The following STK10 variants were observed in gnomAD, a reference collection of about 807,000 sequenced individuals.
The protein encoded by STK10 is serine/threonine kinase 10.
A neutral mutation model predicts 113.8 loss-of-function variants in STK10; 78 were observed. The observed-to-expected ratio is 0.69, with a 90% CI of 0.57 to 0.83. The LOEUF is 0.83. STK10 is among the 40% of genes least tolerant of loss of function. STK10 has a pLI of 0.00. For synonymous variants in STK10, 465 were observed against 494.7 expected (o/e 0.94, Z 0.80); for missense variants, 1,109 against 1,280.1 (o/e 0.87, Z 2.04).
intron 12 of STK10, among the ~76,000 whole-genome samples, chr5:172,072,353 G>C (rs1308860814): frequency 6.6e-6 from 1 of 151,994 alleles, no homozygotes. Context: ...TGCAAGATCC[G>C]CCTACCGGGT....
intron 2 of STK10, among the ~76,000 whole-genome samples, chr5:172,130,349 G>A (rs2113790882): frequency 6.6e-6 from 1 of 152,248 alleles, no homozygotes; most frequent in East Asian, 1.9e-4. Flanking sequence ...TGGCCAAAAT[G>A]GCAAAACCCC....
At position 172,148,157 on chromosome 5, in the gene STK10, C is replaced by G. The variant is rs549588129; in HGVS notation, c.321+8467G>C. Among the ~76,000 whole-genome samples, 241 of 152,276 alleles carry G rather than the reference C, an allele frequency of 1.6e-3. 1 individual carries two copies. Among genetic ancestry groups the G allele is most frequent in the Non-Finnish European group, 1.3e-3 (90 of 68,022 alleles). ...CCTGGACACACTGTGGTGATCAGCA[C>G]TATCATCCCCGACGTCCAGATGAGA... is the stretch of plus-strand genomic sequence containing the variant. On this transcript the variant is annotated intron_variant, in intron 2 of 18. Transcript: ENST00000176763.
intron 4 of STK10, among the ~76,000 whole-genome samples, chr5:172,110,630 G>A (rs1769218594): frequency 6.6e-6 from 1 of 152,096 alleles, no homozygotes; most frequent in African/African-American, 2.4e-5. Flanking sequence ...AGGGACCAGC[G>A]GGGACAGGAC....
Position 172,054,529 on chromosome 5 carries a change from G to A in STK10, c.2652+40C>T, listed in dbSNP as rs557221087. On this transcript the variant is annotated intron_variant, in intron 17 of 18. Transcript: ENST00000176763. ...GATCTGATGGCCTTGGGGAAACTGAGGCAGCCTGGGGGCAGGGGCAGGGGC... is the reference window on the plus strand; with the variant it reads ...GATCTGATGGCCTTGGGGAAACTGAAGCAGCCTGGGGGCAGGGGCAGGGGC... 1.9e-6 allele frequency: 3 copies of A among 1,593,692 alleles called. No individual in the cohort carries two copies. The South Asian group carries it at 3.3e-5, about 18-fold the overall frequency.
chr5:172,054,808 G>GACCAGTC, intron 16 of STK10, 114 bp from the exon 17 acceptor site: 1 of 1,418,008 alleles, frequency 7.1e-7, no homozygotes. Flanking sequence ...TCTGTGCACA[G>GACCAGTC]CCCCAGTACC....
At chr5:172,065,792 G>A (rs1220329597) in intron 12 of STK10, among the ~76,000 whole-genome samples, 1 of 152,100 alleles carries the variant, frequency 6.6e-6, no homozygotes, top group Non-Finnish European at 1.5e-5. Flanking sequence ...GCCAAGGTGA[G>A]TCACCTTGTC....
chr5:172,060,140 G>C lies in STK10; in HGVS notation c.2212+999C>G, dbSNP rs577822129. Among the ~76,000 whole-genome samples the C allele has an allele frequency of 3.9e-5, 6 of 152,092 alleles. No homozygotes were observed. In the South Asian group the frequency reaches 1.2e-3, roughly 32 times the overall value. ...AAGAGACCCCAGGCTGGGCACGTTGGCTTATGCCTCTAATCCCAGCACTTT... is the reference window on the plus strand; with the variant it reads ...AAGAGACCCCAGGCTGGGCACGTTGCCTTATGCCTCTAATCCCAGCACTTT... On this transcript the variant is annotated intron_variant, in intron 14 of 18. Transcript: ENST00000176763.
rs1768772638 is a variant in STK10, at chr5:172,093,617, C to T, written c.1349G>A (p.Ser450Asn). ...CTCCAGGGCGCTGCTGTTGGGCCGG[C>T]TCTGGCTGGCCTTTTGAGATCTGTT... ...AANRSQKASQ[S>N]RPNSSALETL... Residue 450 changes from serine to asparagine, a missense_variant, in exon 9 of 19, where the codon AGC (serine) becomes AAC (asparagine). By Grantham distance (46) the Ser-to-Asn change is conservative (BLOSUM62 1). This residue lies in a region of STK10 where 885 missense variants were observed against 991.1 expected (regional missense o/e 0.89). Transcript: ENST00000176763. The surrounding 1 kb of genome is among the most constrained non-coding windows in gnomAD (Gnocchi z 4.1). 1 of 1,614,246 alleles carries T rather than the reference C, an allele frequency of 6.2e-7. No individual in the cohort carries two copies. Among genetic ancestry groups the T allele is most frequent in the African/African-American group, 1.3e-5 (1 of 75,080 alleles).
At chr5:172,096,658 C>A in intron 7 of STK10, 98 bp from the exon 8 acceptor site, 1 of 1,520,744 alleles carries the variant, frequency 6.6e-7, no homozygotes, top group Non-Finnish European at 8.9e-7. Context: ...AAAGGCCAGC[C>A]TCATTCCTGA....
chr5:172,066,805 G>A (rs1252260061), intron 12 of STK10, among the ~76,000 whole-genome samples: 2 of 152,136 alleles, frequency 1.3e-5, no homozygotes, highest in Admixed American at 1.3e-4. Context: ...AGAGAAGAGC[G>A]CAGGAAAAGG....
rs116016919 is a variant in STK10 at position 172,123,402 on chromosome 5, G to A, written c.370+3971C>T. ...AGGACCACGAGGAGAACTGGGACGG[G>A]AGCCAGAGAAGGGTTTGTCTGCTGG... On this transcript the variant is annotated intron_variant, in intron 3 of 18. Coordinates refer to ENST00000176763, the MANE Select transcript of STK10 (RefSeq NM_005990.4). 1.3e-3 allele frequency among the ~76,000 whole-genome samples: 191 copies of A among 152,326 alleles called. 1 individual carries two copies. Among genetic ancestry groups the A allele is most frequent in the African/African-American group, 4.4e-3 (184 of 41,568 alleles).
chr5:172,164,645 CT>C (rs956179098), intron 1 of STK10, among the ~76,000 whole-genome samples: 4 of 152,214 alleles, frequency 2.6e-5, no homozygotes, highest in African/African-American at 4.8e-5. Context: ...AGTCTCCCCC[CT>C]ATATGGGGGA....
intron 7 of STK10, among the ~76,000 whole-genome samples, chr5:172,101,836 G>A (rs1185147502): frequency 3.3e-5 from 5 of 152,298 alleles, no homozygotes; most frequent in African/African-American, 1.2e-4. Flanking sequence ...CATTCCAGGC[G>A]GCATGGACAG....
chr5:172,182,946 C>T (rs1266898504), intron 1 of STK10, among the ~76,000 whole-genome samples: 1 of 152,110 alleles, frequency 6.6e-6, no homozygotes, highest in Non-Finnish European at 1.5e-5. Flanking sequence ...GTGGCTCATA[C>T]CTATAATCCC....
chr5:172,057,537 C>A (rs895294950), intron 14 of STK10, 64 bp from the exon 15 acceptor site: 3 of 1,517,072 alleles, frequency 2.0e-6, no homozygotes, highest in East Asian at 2.5e-5. Context: ...AGGCCCCCTG[C>A]CCCCCACCTC....
intron 4 of STK10, chr5:172,115,018 G>C (rs1285697158): frequency 6.6e-6 from 1 of 152,222 alleles, no homozygotes; most frequent in Non-Finnish European, 1.5e-5. Context: ...GGGCCTGTGC[G>C]ATTCTCACAG....
chr5:172,153,925 C>G (rs1422024154), intron 2 of STK10, among the ~76,000 whole-genome samples: 1 of 152,238 alleles, frequency 6.6e-6, no homozygotes, highest in Non-Finnish European at 1.5e-5. Context: ...TGAAGCCTCC[C>G]CTGACCAGAT....
intron 1 of STK10, among the ~76,000 whole-genome samples, chr5:172,183,084 G>A (rs1406126702): frequency 6.6e-6 from 1 of 152,002 alleles, no homozygotes; most frequent in African/African-American, 2.4e-5. Context: ...GCGTGTGCCT[G>A]TAGTCCCAGC....
At position 172,128,988 on chromosome 5, in the gene STK10, G is replaced by A. The variant is rs566956476; in HGVS notation, c.322-1567C>T. 8.5e-5 allele frequency among the ~76,000 whole-genome samples: 13 copies of A among 152,306 alleles called. No individual in the cohort carries two copies. In the South Asian group the frequency reaches 2.7e-3, roughly 32 times the overall value. ...GGTCATGTGGGTCCTATGAGGATGT[G>A]GTGATGCGTGGCTTTGGAGCCAGTC... On this transcript the variant is annotated intron_variant, in intron 2 of 18. Transcript: ENST00000176763.
Sources: gnomAD v4.1 joint callset for allele counts (sites outside exome capture counted in the v4.1 genomes callset) on GRCh38, gnomAD v4.1.1 for gene constraint, gnomAD v4.1.1 regional missense constraint, Gnocchi (gnomAD v3.1) non-coding constraint, MANE v1.5 for transcripts, NCBI Gene and HGNC (gene_info 2026-07-23, HGNC 2026-07-21) for gene names.